PLEKHG1: variants seen among roughly 807,000 people sequenced by gnomAD.
PLEKHG1 encodes pleckstrin homology and RhoGEF domain containing G1.
Under a neutral mutation model 100.8 loss-of-function variants are expected in PLEKHG1, and 44 were observed. That is an observed-to-expected ratio of 0.44 (90% CI 0.34 to 0.56). The LOEUF (loss-of-function observed/expected upper bound fraction) is 0.56, where lower values mean the gene tolerates loss of function less well. Among genes scored for constraint, PLEKHG1 ranks in the 20% least tolerant of loss-of-function variants. PLEKHG1 has a pLI of 0.01. For missense variants in PLEKHG1, 1,545 were observed against 1,720.9 expected (o/e 0.90, Z 1.81); for synonymous variants, 640 against 662.5 (o/e 0.97, Z 0.52).
intron 3 of PLEKHG1, among the ~76,000 whole-genome samples, chr6:150,709,886 A>G (rs1342774544): frequency 1.3e-5 from 2 of 152,156 alleles, no homozygotes; most frequent in African/African-American, 4.8e-5. Flanking sequence ...CTTGGGTTCA[A>G]GTGATCCTCC....
chr6:150,713,679 C>G (rs1004893718), intron 3 of PLEKHG1, among the ~76,000 whole-genome samples: 1 of 152,250 alleles, frequency 6.6e-6, no homozygotes, highest in East Asian at 1.9e-4. Flanking sequence ...CTGTGTCTCC[C>G]CTGCAAGCTA....
At chr6:150,617,697 A>G (rs1392761479) in intron 1 of PLEKHG1, among the ~76,000 whole-genome samples, 1 of 152,222 alleles carries the variant, frequency 6.6e-6, no homozygotes, top group Non-Finnish European at 1.5e-5. Context: ...ACAGCTGCCA[A>G]CTGCTCTAAG....
intron 3 of PLEKHG1, among the ~76,000 whole-genome samples, chr6:150,679,736 C>T (rs4869925): frequency 0.075 from 11,485 of 152,204 alleles, 528 homozygotes; most frequent in Non-Finnish European, 0.1. Context: ...TTCCCTGCCA[C>T]CCCATCAGTA....
chr6:150,716,939 A>C (rs1582994020), upstream of PLEKHG1, among the ~76,000 whole-genome samples: 1 of 150,518 alleles, frequency 6.6e-6, no homozygotes, highest in African/African-American at 2.4e-5. Context: ...GCAGTCTCAA[A>C]CTCCTGGGCT....
At chr6:150,641,917 T>G (rs1320272682) in intron 2 of PLEKHG1, among the ~76,000 whole-genome samples, 1 of 148,824 alleles carries the variant, frequency 6.7e-6, no homozygotes, top group Non-Finnish European at 1.5e-5. Flanking sequence ...GAAATTACCT[T>G]TCTAAATAGA....
intron 3 of PLEKHG1, among the ~76,000 whole-genome samples, chr6:150,780,065 AC>A (rs1785223138): frequency 2.0e-5 from 3 of 151,394 alleles, no homozygotes; most frequent in Admixed American, 2.0e-4. Flanking sequence ...CATCCAGAGC[AC>A]CCCATCCTCT....
intron 1 of PLEKHG1, among the ~76,000 whole-genome samples, chr6:150,626,823 T>C (rs1382480801): frequency 6.6e-6 from 1 of 152,188 alleles, no homozygotes; most frequent in African/African-American, 2.4e-5. Context: ...TGTGTATGTG[T>C]GTGTGCGTGT....
intron 3 of PLEKHG1, among the ~76,000 whole-genome samples, chr6:150,671,266 G>T (rs1341317280): frequency 6.6e-6 from 1 of 152,150 alleles, no homozygotes; most frequent in Non-Finnish European, 1.5e-5. Flanking sequence ...TAGTGGGATT[G>T]CAGGATCACA....
exon 1 of PLEKHG1, chr6:150,721,125 GC>G (rs1338911532): frequency 1.0e-6 from 1 of 984,228 alleles, no homozygotes; most frequent in Non-Finnish European, 1.2e-6. Flanking sequence ...ACTAGCAAAG[GC>G]TGTTTCTTTT....
intron 3 of PLEKHG1, among the ~76,000 whole-genome samples, chr6:150,776,282 A>G (rs1008933178): frequency 2.0e-5 from 3 of 152,298 alleles, no homozygotes; most frequent in African/African-American, 7.2e-5. Flanking sequence ...CAAATCCTGA[A>G]GGCAAGATGA....
At chr6:150,713,140 G>A (rs753515287) in intron 3 of PLEKHG1, among the ~76,000 whole-genome samples, 1 of 152,172 alleles carries the variant, frequency 6.6e-6, no homozygotes, top group Non-Finnish European at 1.5e-5. Flanking sequence ...TGGAGAGAAG[G>A]TTTTGTGAAG....
intron 2 of PLEKHG1, among the ~76,000 whole-genome samples, chr6:150,643,176 A>C (rs994510576): frequency 6.6e-6 from 1 of 152,204 alleles, no homozygotes; most frequent in African/African-American, 2.4e-5. Context: ...TTTGCCAGGT[A>C]ACTATGCCAA....
intron 10 of PLEKHG1, among the ~76,000 whole-genome samples, chr6:150,816,245 T>C (rs939881718): frequency 6.6e-6 from 1 of 151,932 alleles, no homozygotes; most frequent in Non-Finnish European, 1.5e-5. Flanking sequence ...AAGCAGGCTT[T>C]TGTGCTTTTG....
intron 3 of PLEKHG1, among the ~76,000 whole-genome samples, chr6:150,770,570 T>C (rs1264156906): frequency 6.6e-6 from 1 of 152,218 alleles, no homozygotes; most frequent in Non-Finnish European, 1.5e-5. Context: ...ATCAGAATTT[T>C]TCAAAGGTCT....
intron 6 of PLEKHG1, among the ~76,000 whole-genome samples, chr6:150,802,792 C>G (rs1317400761): frequency 2.0e-5 from 3 of 151,858 alleles, no homozygotes; most frequent in Non-Finnish European, 4.4e-5. Context: ...TCCCGAGTAG[C>G]TGGGACTACA....
upstream of PLEKHG1, among the ~76,000 whole-genome samples, chr6:150,720,691 C>A (rs2128609187): frequency 6.6e-6 from 1 of 151,342 alleles, no homozygotes; most frequent in South Asian, 2.1e-4. Context: ...AAAGATGTGT[C>A]CCTTTACTTT....
intron 10 of PLEKHG1, among the ~76,000 whole-genome samples, chr6:150,811,051 A>G (rs1334683585): frequency 6.6e-6 from 1 of 152,164 alleles, no homozygotes; most frequent in Non-Finnish European, 1.5e-5. Flanking sequence ...ATGGGTGTAA[A>G]GCTGTGCTGG....
rs558767058 is a variant in PLEKHG1, at chr6:150,694,697, C to CAA, written c.-98-38874_-98-38873dup. Among the ~76,000 whole-genome samples, 699 of 115,122 alleles carry CAA rather than the reference C, an allele frequency of 6.1e-3. 6 individuals are homozygous for CAA. The highest frequency in any genetic ancestry group is 0.02 in the African/African-American group (631 of 31,964). The allele number at this position is 115,122 out of a possible 152,430, so 75.5% of individuals were successfully genotyped here. ...CCTGGGCAACAGTGAGACTCTGTCTCAAAAAAAAAAAAAATAAAAATAAAA... is the reference window on the plus strand; with the variant it reads ...CCTGGGCAACAGTGAGACTCTGTCTCAAAAAAAAAAAAAAAATAAAAATAAAA... On this transcript the variant is annotated intron_variant, in intron 3 of 3. Coordinates refer to the PLEKHG1 transcript ENST00000367326.
rs372906441 is a variant in PLEKHG1, at chr6:150,831,318, C to T, written c.2207C>T (p.Ala736Val). 1.9e-5 allele frequency: 31 copies of T among 1,614,130 alleles called. No individual in the cohort carries two copies. The highest frequency in any genetic ancestry group is 1.6e-4 in the African/African-American group (12 of 75,046). ...AGCCAAAGCACGCATGAACTCCAAG[C>T]GGTTGAGGAGAACATCTATGACACC... Residue 736 changes from alanine to valine, a missense_variant, in exon 15 of 16, where the codon GCG becomes GTG. Transcript: ENST00000358517. The surrounding 1 kb of genome is among the most constrained non-coding windows in gnomAD (Gnocchi z 4.1).
Sources: gnomAD v4.1 joint callset for allele counts (sites outside exome capture counted in the v4.1 genomes callset) on GRCh38, gnomAD v4.1.1 for gene constraint, Gnocchi (gnomAD v3.1) non-coding constraint, MANE v1.5 for transcripts, NCBI Gene and HGNC (gene_info 2026-07-23, HGNC 2026-07-21) for gene names.